ZC3H12B: variants seen among roughly 807,000 people sequenced by gnomAD.
ZC3H12B encodes the protein probable ribonuclease ZC3H12B.
A neutral mutation model predicts 43.9 loss-of-function variants in ZC3H12B; 7 were observed. That is an observed-to-expected ratio of 0.16 (90% CI 0.09 to 0.30). ZC3H12B has a LOEUF of 0.30. ZC3H12B is among the 10% of genes least tolerant of loss of function. The pLI is 1.00. For missense variants in ZC3H12B, 475 were observed against 670.2 expected, an observed-to-expected ratio of 0.71 and a Z score of 3.22; for synonymous variants, 222 against 241.7, an observed-to-expected ratio of 0.92 and a Z score of 0.76.
At chrX:65,098,542 G>A in the ZC3H12B span, among the ~76,000 whole-genome samples, 3 of 109,424 alleles carry the variant, frequency 2.7e-5, no homozygotes, top group Non-Finnish European at 5.7e-5. Flanking sequence ...TCCAACTGAC[G>A]TACCCTGTTC....
At chrX:65,279,734 A>G in the ZC3H12B span, among the ~76,000 whole-genome samples, 1 of 112,370 alleles carries the variant, frequency 8.9e-6, no homozygotes, top group Non-Finnish European at 1.9e-5. Context: ...ATCTAATTGA[A>G]CTTAAGACCT....
chrX:65,259,075 A>T, the ZC3H12B span, among the ~76,000 whole-genome samples: 8 of 112,145 alleles, frequency 7.1e-5, no homozygotes, highest in Non-Finnish European at 1.3e-4. Context: ...TTAAAAATTC[A>T]TGTGGAACTA....
the ZC3H12B span, among the ~76,000 whole-genome samples, chrX:65,041,618 A>G: frequency 8.9e-6 from 1 of 112,181 alleles, no homozygotes. Flanking sequence ...TGTTATCTGC[A>G]TGTAAATTCT....
At chrX:65,211,229 GC>G in the ZC3H12B span, among the ~76,000 whole-genome samples, 1 of 108,930 alleles carries the variant, frequency 9.2e-6, no homozygotes, top group Non-Finnish European at 1.9e-5. Flanking sequence ...TGGATAGATT[GC>G]GAAAATTTTC....
chrX:65,257,546 A>G, the ZC3H12B span, among the ~76,000 whole-genome samples: 1 of 110,995 alleles, frequency 9.0e-6, no homozygotes, highest in Non-Finnish European at 1.9e-5. Context: ...GCACATGTAT[A>G]CCTATGTAAC....
chrX:65,439,363 C>T (rs1203987033), intron 3 of ZC3H12B, among the ~76,000 whole-genome samples: 1 of 111,737 alleles, frequency 8.9e-6, no homozygotes, highest in African/African-American at 3.3e-5. Context: ...ATCATCTGAA[C>T]ATAGTGTGGC....
the ZC3H12B span, among the ~76,000 whole-genome samples, chrX:65,283,258 C>T: frequency 2.2e-3 from 250 of 111,707 alleles, no homozygotes; most frequent in African/African-American, 3.3e-3. Context: ...AAAAGGCCTT[C>T]GACAAAATTC....
chrX:65,154,094 G>A, the ZC3H12B span, among the ~76,000 whole-genome samples: 12 of 110,996 alleles, frequency 1.1e-4, no homozygotes, highest in Non-Finnish European at 2.3e-4. Flanking sequence ...GTGGGAGGAG[G>A]GGGCAGGGAT....
At chrX:65,500,680 C>T (rs774969793) in intron 4 of ZC3H12B, among the ~76,000 whole-genome samples, 4 of 110,852 alleles carry the variant, frequency 3.6e-5, no homozygotes, top group Non-Finnish European at 5.7e-5. Flanking sequence ...CCACCCACCT[C>T]GGCCTCTGAA....
At chrX:65,260,464 T>A in the ZC3H12B span, among the ~76,000 whole-genome samples, 31 of 111,247 alleles carry the variant, frequency 2.8e-4, no homozygotes, top group African/African-American at 5.5e-4. Flanking sequence ...TACCTATAGA[T>A]TACTATGCTT....
chrX:65,257,160 T>A, the ZC3H12B span, among the ~76,000 whole-genome samples: 1 of 112,099 alleles, frequency 8.9e-6, no homozygotes, highest in Non-Finnish European at 1.9e-5. Flanking sequence ...TCACGTATGT[T>A]TATTGCAGCA....
intron 3 of ZC3H12B, among the ~76,000 whole-genome samples, chrX:65,454,646 G>A (rs775045892): frequency 1.6e-4 from 18 of 111,858 alleles, no homozygotes; most frequent in African/African-American, 1.9e-4. Flanking sequence ...TCTCCAGCAC[G>A]CAGCTGGAGA....
intron 3 of ZC3H12B, among the ~76,000 whole-genome samples, chrX:65,452,939 T>C (rs2067539948): frequency 9.1e-6 from 1 of 109,742 alleles, no homozygotes; most frequent in Non-Finnish European, 1.9e-5. Context: ...AAAAGCAATC[T>C]ACAAATTCAA....
At chrX:65,190,846 G>T in the ZC3H12B span, among the ~76,000 whole-genome samples, 1 of 105,897 alleles carries the variant, frequency 9.4e-6, no homozygotes, top group African/African-American at 3.5e-5. Context: ...TTGAATAGGA[G>T]TGGTGAGAGA....
At chrX:65,046,171 A>G in the ZC3H12B span, among the ~76,000 whole-genome samples, 2 of 111,677 alleles carry the variant, frequency 1.8e-5, no homozygotes, top group Non-Finnish European at 3.8e-5. Flanking sequence ...CACCATCTAC[A>G]TTAGCCCATA....
the ZC3H12B span, among the ~76,000 whole-genome samples, chrX:65,052,758 C>T: frequency 6.3e-5 from 7 of 111,750 alleles, no homozygotes; most frequent in African/African-American, 2.3e-4. Context: ...TCAGATATCT[C>T]TTTGACATAC....
the ZC3H12B span, among the ~76,000 whole-genome samples, chrX:65,158,519 C>T: frequency 2.7e-5 from 3 of 112,006 alleles, no homozygotes; most frequent in African/African-American, 9.7e-5. Flanking sequence ...TCTCTGATGG[C>T]CAGTGATGGT....
chrX:65,433,413 C>T (rs184119807), intron 3 of ZC3H12B, among the ~76,000 whole-genome samples: 70 of 111,631 alleles, frequency 6.3e-4, no homozygotes, highest in African/African-American at 2.0e-3. Context: ...CCTTTCACAC[C>T]ATAATAAGCT....
chrX:65,153,805 C>A, the ZC3H12B span, among the ~76,000 whole-genome samples: 3 of 110,847 alleles, frequency 2.7e-5, no homozygotes, highest in Non-Finnish European at 3.8e-5. Flanking sequence ...GCACTATTCA[C>A]AATAGCAAAG....
Sources: gnomAD v4.1 joint callset for allele counts (sites outside exome capture counted in the v4.1 genomes callset) on GRCh38, gnomAD v4.1.1 for gene constraint, MANE v1.5 for transcripts, NCBI Gene and HGNC (gene_info 2026-07-23, HGNC 2026-07-21) for gene names.